The following CTNNBL1 variants were observed in gnomAD, a reference collection of about 807,000 sequenced individuals.
CTNNBL1 encodes the protein catenin beta like 1.
In CTNNBL1, 31 loss-of-function variants were observed where a neutral mutation model predicts 72.7. That is an observed-to-expected ratio of 0.43 (90% CI 0.32 to 0.58). The LOEUF (loss-of-function observed/expected upper bound fraction) is 0.58. Ranked by LOEUF, CTNNBL1 falls within the 20% of genes least tolerant of loss-of-function variation. The probability of loss-of-function intolerance (pLI) is 0.08; values close to 1 mark genes in which losing one functional copy is unlikely to be tolerated. For missense variants in CTNNBL1, 534 were observed against 725.1 expected (o/e 0.74, Z 3.03); for synonymous variants, 240 against 267.3 (o/e 0.90, Z 1.00).
chr20:37,764,179 A>C, intron 5 of CTNNBL1, among the ~76,000 whole-genome samples: 1 of 152,206 alleles, frequency 6.6e-6, no homozygotes, highest in East Asian at 1.9e-4. Context: ...TCCCCATTTC[A>C]TAAGTGAGGA....
chr20:37,828,405 T>C (rs996935558), intron 11 of CTNNBL1, among the ~76,000 whole-genome samples: 2 of 152,170 alleles, frequency 1.3e-5, no homozygotes, highest in Non-Finnish European at 1.5e-5. Context: ...TTTAAAAATA[T>C]GCCTATTGGG....
chr20:37,807,848 A>G (rs2071973413), intron 11 of CTNNBL1, among the ~76,000 whole-genome samples: 1 of 152,194 alleles, frequency 6.6e-6, no homozygotes, highest in Admixed American at 6.5e-5. Context: ...AGAATAGCAC[A>G]GTATATATTG....
At chr20:37,726,283 C>A (rs1307356335) in intron 1 of CTNNBL1, among the ~76,000 whole-genome samples, 1 of 152,166 alleles carries the variant, frequency 6.6e-6, no homozygotes, top group East Asian at 1.9e-4. Context: ...TAGTTATAGC[C>A]TGTCTAAAAT....
At chr20:37,706,065 C>T (rs1436267849) in intron 1 of CTNNBL1, among the ~76,000 whole-genome samples, 1 of 152,174 alleles carries the variant, frequency 6.6e-6, no homozygotes, top group East Asian at 1.9e-4. Context: ...TGTATCTGAA[C>T]AATGCACATA....
At chr20:37,720,790 A>G (rs2073034073) in intron 1 of CTNNBL1, among the ~76,000 whole-genome samples, 1 of 152,220 alleles carries the variant, frequency 6.6e-6, no homozygotes, top group Admixed American at 6.5e-5. Flanking sequence ...AGCTATGAAC[A>G]AGGCACTCTT....
intron 15 of CTNNBL1, among the ~76,000 whole-genome samples, chr20:37,861,086 T>C (rs1398223386): frequency 2.6e-5 from 4 of 152,202 alleles, no homozygotes; most frequent in African/African-American, 7.2e-5. Flanking sequence ...GTGGAGAGTA[T>C]GCCTGCCTTC....
chr20:37,808,639 C>A (rs1056687774), intron 11 of CTNNBL1, among the ~76,000 whole-genome samples: 1 of 152,128 alleles, frequency 6.6e-6, no homozygotes, highest in Non-Finnish European at 1.5e-5. Context: ...AATAGATTGG[C>A]AGTGTCTTCC....
chr20:37,825,153 G>T (rs1007250428), intron 11 of CTNNBL1, among the ~76,000 whole-genome samples: 1 of 152,162 alleles, frequency 6.6e-6, no homozygotes, highest in Non-Finnish European at 1.5e-5. Context: ...GGGAGTTTGA[G>T]ACCAGCCTGG....
chr20:37,723,013 A>G (rs957335426), intron 1 of CTNNBL1, among the ~76,000 whole-genome samples: 1 of 152,230 alleles, frequency 6.6e-6, no homozygotes, highest in Non-Finnish European at 1.5e-5. Context: ...CCTTCCAGTG[A>G]CTTTACAAGT....
chr20:37,728,907 C>T (rs968494190), intron 1 of CTNNBL1, among the ~76,000 whole-genome samples: 12 of 152,172 alleles, frequency 7.9e-5, no homozygotes, highest in African/African-American at 2.9e-4. Context: ...GGATGGTATA[C>T]TTACACTATT....
intron 15 of CTNNBL1, among the ~76,000 whole-genome samples, chr20:37,871,540 A>G (rs576112426): frequency 5.7e-4 from 86 of 152,160 alleles, no homozygotes; most frequent in African/African-American, 2.0e-3. Flanking sequence ...TCTAGACCTA[A>G]TCTAATCTTA....
intron 3 of CTNNBL1, among the ~76,000 whole-genome samples, chr20:37,737,880 T>C (rs1163552533): frequency 1.3e-5 from 2 of 152,228 alleles, no homozygotes. Flanking sequence ...AGGGTTTTTA[T>C]GGAGGACTGG....
intron 1 of CTNNBL1, among the ~76,000 whole-genome samples, chr20:37,722,114 A>T (rs2073045279): frequency 6.6e-6 from 1 of 152,090 alleles, no homozygotes; most frequent in Non-Finnish European, 1.5e-5. Flanking sequence ...TTATATGCTT[A>T]TGGGCTACTC....
chr20:37,830,488 C>T (rs772960076), intron 11 of CTNNBL1, among the ~76,000 whole-genome samples: 25 of 152,274 alleles, frequency 1.6e-4, no homozygotes, highest in Admixed American at 3.3e-4. Context: ...CAGGACCCCT[C>T]TAGAATCTGG....
At chr20:37,771,308 T>C (rs1207273382) in intron 7 of CTNNBL1, among the ~76,000 whole-genome samples, 2 of 152,226 alleles carry the variant, frequency 1.3e-5, no homozygotes, top group African/African-American at 4.8e-5. Flanking sequence ...TAGAAAGGTT[T>C]CAAACACATG....
intron 11 of CTNNBL1, among the ~76,000 whole-genome samples, chr20:37,817,334 T>G (rs1600506584): frequency 6.6e-6 from 1 of 152,236 alleles, no homozygotes; most frequent in African/African-American, 2.4e-5. Flanking sequence ...ATGACCAGGA[T>G]TTTTTGTATT....
At chr20:37,751,808 C>G (rs752486827) in intron 4 of CTNNBL1, 2 of 152,174 alleles carry the variant, frequency 1.3e-5, no homozygotes, top group Non-Finnish European at 2.9e-5. Context: ...ATTGCTGTCC[C>G]GTAAGCACTG....
intron 3 of CTNNBL1, among the ~76,000 whole-genome samples, chr20:37,745,966 C>A (rs533499090): frequency 6.6e-6 from 1 of 152,236 alleles, no homozygotes; most frequent in South Asian, 2.1e-4. Context: ...TTGGTATCTG[C>A]CTCTGAATCA....
intron 1 of CTNNBL1, chr20:37,694,979 A>G (rs1327144947): frequency 6.6e-6 from 1 of 152,240 alleles, no homozygotes; most frequent in Non-Finnish European, 1.5e-5. Context: ...CGTAGCCACT[A>G]GCCACATAGG....
Sources: allele counts gnomAD v4.1 joint callset (sites outside exome capture counted in the v4.1 genomes callset), GRCh38; gene constraint gnomAD v4.1.1; transcripts MANE v1.5; gene names NCBI Gene and HGNC (gene_info 2026-07-23, HGNC 2026-07-21).